ZNF154: variants seen among roughly 807,000 people sequenced by gnomAD.
ZNF154 encodes zinc finger protein 154, also known as zinc finger protein 154 (pHZ-92).
ZNF154 carries 6 observed loss-of-function variants against 7.5 expected under a neutral mutation model. The observed-to-expected ratio is 0.80, with a 90% CI of 0.44 to 1.57. ZNF154 has a LOEUF of 1.57. ZNF154 is among the 40% of genes most tolerant of loss of function. The pLI is 0.01. For missense variants in ZNF154, 485 were observed against 531.4 expected (o/e 0.91, Z 0.86); for synonymous variants, 187 against 185.9 (o/e 1.01, Z -0.05).
rs1406419428 is a variant in ZNF154 at position 57,702,765 on chromosome 19, G to C, written c.184C>G (p.Leu62Val). ...SLDVHHQKQH[L>V]GEKHFRSNVG... ...TTGCTTCTGAAATGTTTTTCTCCAA[G>C]GTGCTGCTTCTGATGATGAACATCT... Residue 62 changes from leucine to valine, a missense_variant, in exon 3 of 3, where the codon CTT becomes GTT. Transcript: ENST00000684351. 6.2e-7 allele frequency: 1 copy of C among 1,601,540 alleles called. No homozygotes were observed.
In ZNF154 at chr19:57,697,158, T is replaced by C. The variant is rs1232960183; in HGVS notation, c.*4477A>G. 6.6e-6 allele frequency among the ~76,000 whole-genome samples: 1 copy of C among 152,232 alleles called. No homozygotes were observed. Among genetic ancestry groups the C allele is most frequent in the African/African-American group, 2.4e-5 (1 of 41,454 alleles). ...TTGCAATTTCTTAGTGGATTGTCTG[T>C]GATGTGCATCACATTCTGGTTTAAT... On this transcript the variant is annotated 3_prime_UTR_variant, in exon 3 of 3. Transcript: ENST00000684351.
chr19:57,705,019 A>G, intron 1 of ZNF154, 40 bp from the exon 2 acceptor site: 1 of 1,582,492 alleles, frequency 6.3e-7, no homozygotes, highest in Non-Finnish European at 8.6e-7. Context: ...AAGAGCCCCT[A>G]TCCCAAGGAC....
At position 57,701,494 on chromosome 19, in the gene ZNF154, T is replaced by C. The variant is rs555392176; in HGVS notation, c.*141A>G. 1 of 906,466 alleles carries C rather than the reference T, an allele frequency of 1.1e-6. No individual in the cohort carries two copies. Among genetic ancestry groups the C allele is most frequent in the African/African-American group, 1.7e-5 (1 of 59,450 alleles). 56.2% of individuals were successfully genotyped at this position (906,466 alleles called of 1,614,324 possible). A position where few individuals can be genotyped will look rare whatever the true frequency, so the allele number is the denominator to read the frequency against. Reference sequence around the variant, plus strand: ...TATATCAACTGGACATCCCTACATATCAAAAGTGTCTTTCCCTTGTGAACT... The same window carrying C: ...TATATCAACTGGACATCCCTACATACCAAAAGTGTCTTTCCCTTGTGAACT... On this transcript the variant is annotated 3_prime_UTR_variant, in exon 3 of 3. Transcript: ENST00000684351.
At chr19:57,706,444 G>A (rs760721867) in intron 1 of ZNF154, among the ~76,000 whole-genome samples, 5 of 152,160 alleles carry the variant, frequency 3.3e-5, no homozygotes, top group Non-Finnish European at 7.3e-5. Flanking sequence ...CAGGCCAAGT[G>A]ACTGTCACAG....
At chr19:57,705,503 C>G (rs532529276) in intron 1 of ZNF154, among the ~76,000 whole-genome samples, 1 of 152,284 alleles carries the variant, frequency 6.6e-6, no homozygotes, top group South Asian at 2.1e-4. Context: ...TGCCTGTAAT[C>G]CCAGCACTTT....
At chr19:57,706,357 C>T (rs4801514) in intron 1 of ZNF154, among the ~76,000 whole-genome samples, 5,698 of 152,214 alleles carry the variant, frequency 0.037, 139 homozygotes, top group Non-Finnish European at 0.053. Context: ...CCGTGCTGCA[C>T]TTGCTAGCCC....
At position 57,696,789 on chromosome 19, in the gene ZNF154, TC is replaced by T. The variant is rs1984911766; in HGVS notation, c.*4845del. Among the ~76,000 whole-genome samples, 1 of 152,002 alleles carries T rather than the reference TC, an allele frequency of 6.6e-6. No homozygotes were observed. The highest frequency in any genetic ancestry group is 1.5e-5 in the Non-Finnish European group (1 of 67,996). ...AATACAGTCCCTCAGCACTTTTCACTCCCCTTCCCAAGGATACTATCATCAC... is the reference window on the plus strand; with the variant it reads ...AATACAGTCCCTCAGCACTTTTCACTCCCTTCCCAAGGATACTATCATCAC... On this transcript the variant is annotated 3_prime_UTR_variant, in exon 3 of 3. Coordinates refer to ENST00000684351, the MANE Select transcript of ZNF154 (RefSeq NM_001085384.3).
In ZNF154 at chr19:57,701,818, T is replaced by A; in HGVS notation, c.1131A>T (p.Arg377Ser). The change falls in exon 3 of 3, where the codon AGA becomes AGT. Residue 377 changes from arginine (R) to serine (S), a missense_variant. By Grantham distance (110) the Arg-to-Ser change is moderately radical. Transcript: ENST00000684351. ...CATAGGGTCTTGATCCAGTGTGAAC[T>A]CTCTGGTGTTTTCGGAGACTGGAGC... ...PYSSSLRKHQ[R>S]VHTGSRPYEC... is the part of the protein sequence containing the mutation. The A allele has an allele frequency of 1.2e-6, 2 of 1,614,140 alleles. No individual in the cohort carries two copies. Among genetic ancestry groups the A allele is most frequent in the Non-Finnish European group, 1.7e-6 (2 of 1,180,028 alleles).
chr19:57,708,849 G>A, intron 1 of ZNF154, 90 bp downstream of exon 1: 2 of 1,517,708 alleles, frequency 1.3e-6, no homozygotes, highest in South Asian at 1.2e-5. Context: ...CCGACCCTGG[G>A]CAGCGGGGAC....
At chr19:57,708,246 C>T (rs78776153) in intron 1 of ZNF154, among the ~76,000 whole-genome samples, 4,570 of 152,268 alleles carry the variant, frequency 0.03, 211 homozygotes, top group African/African-American at 0.1. Context: ...GCTGCTCTTC[C>T]TGTGAACAGT....
Position 57,701,975 on chromosome 19 carries a change from C to T in ZNF154, c.974G>A (p.Gly325Glu). The change falls in exon 3 of 3, where the codon GGA becomes GAA. Residue 325 changes from glycine to glutamate, a missense_variant. Transcript: ENST00000684351. ...TTCGCTGCACTTATAAGGCCTTTCT[C>T]CAGTGTGAACCCTATGGTGTTCAAT... ...SLIEHHRVHT[G>E]ERPYKCSECG... 1 of 1,612,924 alleles carries T rather than the reference C, an allele frequency of 6.2e-7. No individual in the cohort carries two copies. Among genetic ancestry groups the T allele is most frequent in the East Asian group, 2.2e-5 (1 of 44,830 alleles).
At chr19:57,705,538 G>C (rs1985350173) in intron 1 of ZNF154, among the ~76,000 whole-genome samples, 1 of 152,052 alleles carries the variant, frequency 6.6e-6, no homozygotes, top group Non-Finnish European at 1.5e-5. Context: ...GGTGGATCAC[G>C]AGGTCAGGAG....
At chr19:57,708,898 G>C (rs1264189111) in intron 1 of ZNF154, 41 bp downstream of exon 1, 3 of 1,553,784 alleles carry the variant, frequency 1.9e-6, no homozygotes, top group Non-Finnish European at 2.6e-6. Flanking sequence ...TAGAACGTGG[G>C]TGGGGGAAGG....
rs1984946546 is a variant in ZNF154 at position 57,697,581 on chromosome 19, AAT to A, written c.*4052_*4053del. ...AAGCGATAAAATATTTACATTTTAA[AAT>A]ATATTTGTGTGATTTTTTGGGGGGT... On this transcript the variant is annotated 3_prime_UTR_variant, in exon 3 of 3. Transcript: ENST00000684351. 6.6e-6 allele frequency: 1 copy of A among 152,242 alleles called. No individual in the cohort carries two copies. The highest frequency in any genetic ancestry group is 2.1e-4 in the South Asian group (1 of 4,834). The allele number at this position is 152,242 out of a possible 1,614,324, so 9.4% of individuals were successfully genotyped here.
chr19:57,705,462 A>G (rs1208102820), intron 1 of ZNF154, among the ~76,000 whole-genome samples: 2 of 152,204 alleles, frequency 1.3e-5, no homozygotes, highest in Non-Finnish European at 2.9e-5. Context: ...GACACTAGAA[A>G]GACGATACAG....
Position 57,700,651 on chromosome 19 carries a change from G to A in ZNF154, c.*984C>T, listed in dbSNP as rs1345768214. 1 of 152,200 alleles carries A rather than the reference G, an allele frequency of 6.6e-6. No homozygotes were observed. The highest frequency in any genetic ancestry group is 2.4e-5 in the African/African-American group (1 of 41,454). 9.4% of individuals were successfully genotyped at this position (152,200 alleles called of 1,614,324 possible). ...GATGCAGTATTCCTTGTGAACAAGA[G>A]AACAATTTCATGTTGCTTTCAGAAA... is the stretch of plus-strand genomic sequence containing the variant. On this transcript the variant is annotated 3_prime_UTR_variant, in exon 3 of 3. Transcript: ENST00000684351.
intron 2 of ZNF154, among the ~76,000 whole-genome samples, chr19:57,704,064 A>G (rs1985292085): frequency 6.6e-6 from 1 of 152,220 alleles, no homozygotes; most frequent in Non-Finnish European, 1.5e-5. Flanking sequence ...CTAACGTTAG[A>G]AAGAACTGCA....
intron 2 of ZNF154, among the ~76,000 whole-genome samples, chr19:57,704,450 A>G (rs146355579): frequency 9.8e-5 from 15 of 152,356 alleles, no homozygotes; most frequent in African/African-American, 3.6e-4. Flanking sequence ...CATGGTCTAC[A>G]TAAGTAGTGA....
In ZNF154 at chr19:57,696,565, C is replaced by T. The variant is rs1984904843; in HGVS notation, c.*5070G>A. 6.6e-6 allele frequency among the ~76,000 whole-genome samples: 1 copy of T among 152,154 alleles called. No homozygotes were observed. The highest frequency in any genetic ancestry group is 2.4e-5 in the African/African-American group (1 of 41,434). Reference sequence around the variant, plus strand: ...GATTAAACCCAGGCAGCAGAGGGAGCAGAGGGCCTGGGGCAGCCAGGCACC... The same window carrying T: ...GATTAAACCCAGGCAGCAGAGGGAGTAGAGGGCCTGGGGCAGCCAGGCACC... On this transcript the variant is annotated 3_prime_UTR_variant, in exon 3 of 3. Transcript: ENST00000684351.
Sources: gnomAD v4.1 joint callset for allele counts (sites outside exome capture counted in the v4.1 genomes callset) on GRCh38, gnomAD v4.1.1 for gene constraint, MANE v1.5 for transcripts, NCBI Gene and HGNC (gene_info 2026-07-23, HGNC 2026-07-21) for gene names.